Variants in KLHL41 observed in about 807,000 individuals in gnomAD.
KLHL41 encodes the protein kelch like family member 41, also known as kelch-like protein 41.
Under a neutral mutation model 49.2 loss-of-function variants are expected in KLHL41, and 31 were observed. The ratio of observed to expected loss-of-function variants is 0.63; its 90% CI spans 0.47 to 0.85. The LOEUF is 0.85. Among genes scored for constraint, KLHL41 ranks in the 40% least tolerant of loss-of-function variants. The pLI, the probability that KLHL41 is intolerant of heterozygous loss-of-function variation, is 0.00. For synonymous variants in KLHL41, 218 were observed against 258.5 expected, an observed-to-expected ratio of 0.84 and a Z score of 1.50; for missense variants, 663 against 726.7, an observed-to-expected ratio of 0.91 and a Z score of 1.01.
Position 169,526,049 on chromosome 2 carries a change from G to A in KLHL41, c.*353G>A. 1 of 160,782 alleles carries A rather than the reference G, an allele frequency of 6.2e-6. No individual in the cohort carries two copies. Among genetic ancestry groups the A allele is most frequent in the South Asian group, 2.0e-4 (1 of 5,060 alleles). The allele number at this position is 160,782 out of a possible 1,614,324, so 10.0% of individuals were successfully genotyped here. ...AACTGATTTTCTATTACAATTGGAA[G>A]TGGAGAATATGTGCATCTACACTAA... On this transcript the variant is annotated 3_prime_UTR_variant, in exon 6 of 6. Transcript: ENST00000284669.
At chr2:169,520,760 C>A in intron 4 of KLHL41, 101 bp from the exon 5 acceptor site, 1 of 983,470 alleles carries the variant, frequency 1.0e-6, no homozygotes, top group Non-Finnish European at 1.5e-6. Flanking sequence ...GCTGCCTGGC[C>A]ACTACTTGAA....
At position 169,514,975 on chromosome 2, in the gene KLHL41, A is replaced by G. The variant is rs1559130620; in HGVS notation, c.1376+14A>G. 1 of 1,443,316 alleles carries G rather than the reference A, an allele frequency of 6.9e-7. No homozygotes were observed. The highest frequency in any genetic ancestry group is 9.6e-7 in the Non-Finnish European group (1 of 1,046,702). 89.4% of individuals were successfully genotyped at this position (1,443,316 alleles called of 1,614,324 possible). A position where few individuals can be genotyped will look rare whatever the true frequency, so the allele number is the denominator to read the frequency against. Reference sequence around the variant, plus strand: ...GACAGATGACAAGTAAGTACCCTGAACTCTCATGATTTATGTCTAAATGAC... The same window carrying G: ...GACAGATGACAAGTAAGTACCCTGAGCTCTCATGATTTATGTCTAAATGAC... On this transcript the variant is annotated intron_variant, in intron 3 of 5. Transcript: ENST00000284669.
intron 3 of KLHL41, among the ~76,000 whole-genome samples, chr2:169,517,081 G>A (rs13417370): frequency 0.58 from 88,251 of 151,964 alleles, 26,073 homozygotes; most frequent in East Asian, 0.71. Context: ...TTTGAAGAAC[G>A]TGATTTTGGA....
chr2:169,521,315 A>G (rs1684200005), intron 5 of KLHL41, among the ~76,000 whole-genome samples: 1 of 152,234 alleles, frequency 6.6e-6, no homozygotes, highest in Admixed American at 6.5e-5. Flanking sequence ...ATAGGCATCC[A>G]GTAGAGTGAA....
At chr2:169,511,054 T>C (rs1048758154) in intron 1 of KLHL41, among the ~76,000 whole-genome samples, 166 bp downstream of exon 1, 11 of 152,210 alleles carry the variant, frequency 7.2e-5, no homozygotes, top group South Asian at 4.1e-4. Context: ...GAAAAATATT[T>C]GACTGCTTTG....
At position 169,518,219 on chromosome 2, in the gene KLHL41, AC is replaced by A; in HGVS notation, c.1410del (p.Gly473GlufsTer9). ...TGTACAAACAGGGTGTTTATCTTCA[AC>A]CCCAAAAAAGGAGATTGGAAAGATC... ...KKCTNRVFIF[N>X]PKKGDWKDLA... On this transcript the variant is annotated frameshift_variant, in exon 4 of 6. Coordinates refer to ENST00000284669, the MANE Select transcript of KLHL41 (RefSeq NM_006063.3). LOFTEE classifies it high-confidence loss of function. 1 of 1,613,540 alleles carries A rather than the reference AC, an allele frequency of 6.2e-7. No individual in the cohort carries two copies. Among genetic ancestry groups the A allele is most frequent in the Non-Finnish European group, 8.5e-7 (1 of 1,179,718 alleles).
chr2:169,524,523 G>A (rs1489526648), intron 5 of KLHL41, among the ~76,000 whole-genome samples: 3 of 150,886 alleles, frequency 2.0e-5, no homozygotes, highest in Non-Finnish European at 2.9e-5. Flanking sequence ...TCAGCCTCCG[G>A]AGTAGCTAGG....
chr2:169,523,204 G>A (rs1406108274), intron 5 of KLHL41, among the ~76,000 whole-genome samples: 1 of 152,184 alleles, frequency 6.6e-6, no homozygotes, highest in African/African-American at 2.4e-5. Context: ...TATAAAAGTG[G>A]CCCTGACATT....
intron 5 of KLHL41, among the ~76,000 whole-genome samples, chr2:169,523,830 C>T (rs1325716098): frequency 1.3e-5 from 2 of 152,078 alleles, no homozygotes; most frequent in African/African-American, 2.4e-5. Flanking sequence ...ATAGGGCCAG[C>T]GATCTGTGTT....
chr2:169,518,149 A>G lies in KLHL41; in HGVS notation c.1377-41A>G, dbSNP rs955616481. ...CAAATTATTAGTGAAGGTGCTGTCA[A>G]AAAAAGGTTCTAAAAGGAACATTTG... is the stretch of plus-strand genomic sequence containing the variant. On this transcript the variant is annotated intron_variant, in intron 3 of 5. Transcript: ENST00000284669. The G allele has an allele frequency of 4.0e-6, 6 of 1,512,434 alleles. No individual in the cohort carries two copies. In the Admixed American group the frequency reaches 5.6e-5, roughly 14 times the overall value. 93.7% of individuals were successfully genotyped at this position (1,512,434 alleles called of 1,614,324 possible).
In KLHL41 at chr2:169,518,254, A is replaced by T; in HGVS notation, c.1441A>T (p.Met481Leu). The T allele has an allele frequency of 6.2e-7, 1 of 1,614,100 alleles. No homozygotes were observed. Among genetic ancestry groups the T allele is most frequent in the Non-Finnish European group, 8.5e-7 (1 of 1,179,964 alleles). Residue 481 changes from methionine to leucine, a missense_variant, in exon 4 of 6, where the codon ATG becomes TTG. Physicochemically the swap from Met to Leu is conservative, Grantham distance 15. Around this residue, in one of 3 missense-constraint regions of KLHL41, gnomAD observed 528 missense variants for 581.0 expected, o/e 0.91. Transcript: ENST00000284669. ...AGGAGATTGGAAAGATCTGGCTCCA[A>T]TGAAAATTCCTCGTTCCATGTTTGG... ...KKGDWKDLAP[M>L]KIPRSMFGVA...
intron 4 of KLHL41, among the ~76,000 whole-genome samples, chr2:169,520,076 C>T (rs559824162): frequency 1.3e-5 from 2 of 151,702 alleles, no homozygotes; most frequent in East Asian, 1.9e-4. Context: ...CATAGCTCAC[C>T]GCAGCCTTGA....
chr2:169,525,574 T>G lies in KLHL41; in HGVS notation c.1710-11T>G. 6.6e-7 allele frequency: 1 copy of G among 1,525,092 alleles called. No homozygotes were observed. The highest frequency in any genetic ancestry group is 9.1e-7 in the Non-Finnish European group (1 of 1,099,576). 94.5% of individuals were successfully genotyped at this position (1,525,092 alleles called of 1,614,324 possible). On this transcript the variant is annotated splice_polypyrimidine_tract_variant and intron_variant, in intron 5 of 5. Coordinates refer to ENST00000284669, the MANE Select transcript of KLHL41 (RefSeq NM_006063.3). The stretch of plus-strand genomic sequence containing the variant: ...AGCTGCTTATTGATTACTTTTTTTT[T>G]CCTCCATCAGGTATGAAGATGATAA...
At chr2:169,520,690 TG>T (rs2105312445) in intron 4 of KLHL41, among the ~76,000 whole-genome samples, 170 bp from the exon 5 acceptor site, 1 of 149,936 alleles carries the variant, frequency 6.7e-6, no homozygotes, top group East Asian at 2.0e-4. Context: ...TGACCTCAGG[TG>T]ATCTACCCGT....
chr2:169,511,389 A>G (rs930110996), intron 1 of KLHL41, among the ~76,000 whole-genome samples: 1 of 152,170 alleles, frequency 6.6e-6, no homozygotes, highest in Non-Finnish European at 1.5e-5. Context: ...TTACCTATTA[A>G]AAATAGTTAA....
At chr2:169,523,422 T>C (rs955796996) in intron 5 of KLHL41, among the ~76,000 whole-genome samples, 2 of 152,214 alleles carry the variant, frequency 1.3e-5, no homozygotes, top group African/African-American at 4.8e-5. Flanking sequence ...GATGTTTCTA[T>C]ATGTGTAGAC....
In KLHL41 at chr2:169,526,190, G is replaced by A. The variant is rs1019214832; in HGVS notation, c.*494G>A. The A allele has an allele frequency of 1.3e-5, 2 of 152,236 alleles. No individual in the cohort carries two copies. Among genetic ancestry groups the A allele is most frequent in the Admixed American group, 1.3e-4 (2 of 15,282 alleles). The allele number at this position is 152,236 out of a possible 1,614,324, so 9.4% of individuals were successfully genotyped here. ...ACTTCAGAAATCCTACTTCAGAAGT[G>A]TAATAAATGGATGGGGAAATCGTTT... On this transcript the variant is annotated 3_prime_UTR_variant, in exon 6 of 6. Transcript: ENST00000284669.
Position 169,513,714 on chromosome 2 carries a change from A to G in KLHL41, c.1111-860A>G, listed in dbSNP as rs1684065006. ...TTGCAATCTAGAAGTGGTACCAGAG[A>G]GAACAACAAATCTGCAACTGTACTC... On this transcript the variant is annotated intron_variant, in intron 1 of 5. Coordinates refer to ENST00000284669, the MANE Select transcript of KLHL41 (RefSeq NM_006063.3). Among the ~76,000 whole-genome samples, 7 of 152,334 alleles carry G rather than the reference A, an allele frequency of 4.6e-5. No individual in the cohort carries two copies. The South Asian group carries it at 1.5e-3, about 32-fold the overall frequency.
chr2:169,516,647 A>G (rs887065789), intron 3 of KLHL41, among the ~76,000 whole-genome samples: 1 of 152,212 alleles, frequency 6.6e-6, no homozygotes, highest in African/African-American at 2.4e-5. Flanking sequence ...GGAATATATC[A>G]ATCTTGAGAA....
Sources: allele counts gnomAD v4.1 joint callset (sites outside exome capture counted in the v4.1 genomes callset), GRCh38; gene constraint gnomAD v4.1.1; regional missense constraint gnomAD v4.1.1; transcripts MANE v1.5; gene names NCBI Gene and HGNC (gene_info 2026-07-23, HGNC 2026-07-21).